GK: variants seen among roughly 807,000 people sequenced by gnomAD.
GK encodes the protein glycerol kinase.
In GK, 9 loss-of-function variants were observed where a neutral mutation model predicts 56.4. The observed-to-expected ratio is 0.16, with a 90% CI of 0.10 to 0.28. GK has a LOEUF of 0.28. GK is among the 10% of genes least tolerant of loss of function. The pLI is 1.00. For synonymous variants in GK, 104 were observed against 144.1 expected (o/e 0.72, Z 1.99); for missense variants, 161 against 431.4 (o/e 0.37, Z 5.55).
At chrX:30,664,702 C>CTTTTTTT (rs35313243) in intron 1 of GK, among the ~76,000 whole-genome samples, 5 of 57,675 alleles carry the variant, frequency 8.7e-5, no homozygotes, top group Non-Finnish European at 9.2e-5. Context: ...ACTCTATTGC[C>CTTTTTTT]TTTTTTTTTT....
rs764205493 is a variant in GK, at chrX:30,730,938, C to G, written c.*2196C>G. The G allele has an allele frequency of 3.0e-4, 34 of 111,896 alleles. No homozygotes were observed. The highest frequency in any genetic ancestry group is 5.4e-4 in the Non-Finnish European group (29 of 53,229). The allele number at this position is 111,896 out of a possible 1,213,427, so 9.2% of individuals were successfully genotyped here. A position where few individuals can be genotyped will look rare whatever the true frequency, so the allele number is the denominator to read the frequency against. On this transcript the variant is annotated 3_prime_UTR_variant, in exon 21 of 21. Transcript: ENST00000427190. ...ATTCTATTAGAAGAAACTACACTGT[C>G]CCATCTCAGCATTTGCAAAAAATAA...
intron 14 of GK, 124 bp from the exon 15 acceptor site, chrX:30,719,295 G>A: frequency 4.1e-6 from 2 of 485,048 alleles, no homozygotes; most frequent in Non-Finnish European, 7.4e-6. Flanking sequence ...GCAACATTTT[G>A]CTCTACCAAT....
chrX:30,664,098 A>ATTT (rs1932895695), intron 1 of GK, among the ~76,000 whole-genome samples: 1 of 36,124 alleles, frequency 2.8e-5, no homozygotes, highest in Non-Finnish European at 5.4e-5. Flanking sequence ...ATATCTATAT[A>ATTT]TATTTTATAG....
chrX:30,707,731 CAATACAA>C lies in GK; in HGVS notation c.894+137_894+143del, dbSNP rs775484610. ...CTTTATCAGGGTTTAATTTAGAGCT[CAATACAA>C]AATTTGAATCGTTCTAATAAGAACC... On this transcript the variant is annotated intron_variant, in intron 12 of 20. Transcript: ENST00000427190. 94 of 455,922 alleles carry C rather than the reference CAATACAA, an allele frequency of 2.1e-4. 1 individual carries two copies. The highest frequency in any genetic ancestry group is 2.0e-3 in the African/African-American group (82 of 40,611). The allele number at this position is 455,922 out of a possible 1,213,427, so 37.6% of individuals were successfully genotyped here.
intron 13 of GK, among the ~76,000 whole-genome samples, chrX:30,717,848 T>C (rs1330538580): frequency 2.7e-5 from 3 of 111,611 alleles, no homozygotes; most frequent in Non-Finnish European, 5.7e-5. Flanking sequence ...AGGTAAGTGT[T>C]GTCATAGTCA....
chrX:30,673,894 C>T (rs1243819302), intron 3 of GK, among the ~76,000 whole-genome samples: 1 of 111,211 alleles, frequency 9.0e-6, no homozygotes, highest in Non-Finnish European at 1.9e-5. Flanking sequence ...ACTATAAGTT[C>T]ATTGTGATCC....
chrX:30,684,762 A>G (rs749123451), intron 4 of GK, among the ~76,000 whole-genome samples: 2 of 110,589 alleles, frequency 1.8e-5, no homozygotes, highest in South Asian at 7.6e-4. Flanking sequence ...GATATTAAAG[A>G]AAACCACCCA....
Position 30,696,617 on chromosome X carries a change from AT to A in GK, c.669del (p.Phe223LeufsTer20). 8.4e-7 allele frequency: 1 copy of A among 1,186,486 alleles called. No individual in the cohort carries two copies. The highest frequency in any genetic ancestry group is 1.1e-6 in the Non-Finnish European group (1 of 874,039). On this transcript the variant is annotated frameshift_variant and splice_region_variant, in exon 8 of 21. Transcript: ENST00000427190. LOFTEE classifies it high-confidence loss of function. ...AATACCCAATCTTCTTGTTTTTCAG[AT>A]TTTTTGGAATTCCAATGGAAATTCT... Reference protein sequence around the residue: ...SLEWDKQLCEFFGIPMEILPN... With the variant: ...SLEWDKQLCEXFGIPMEILPN...
chrX:30,654,339 G>C (rs1380980829), intron 1 of GK, among the ~76,000 whole-genome samples: 1 of 112,712 alleles, frequency 8.9e-6, no homozygotes, highest in Non-Finnish European at 1.9e-5. Flanking sequence ...ATGTGTGACA[G>C]CACAGTTTTA....
chrX:30,712,869 T>TC (rs1936415909), intron 13 of GK, among the ~76,000 whole-genome samples: 1 of 108,395 alleles, frequency 9.2e-6, no homozygotes, highest in Non-Finnish European at 1.9e-5. Context: ...GGACTACAGA[T>TC]GCCCACCACC....
chrX:30,705,721 A>G (rs1212085536), intron 11 of GK, among the ~76,000 whole-genome samples: 4 of 112,931 alleles, frequency 3.5e-5, no homozygotes, highest in African/African-American at 1.3e-4. Flanking sequence ...GACTGGGAAG[A>G]AAGAACAATA....
rs192402882 is a variant in GK, at chrX:30,686,716, T to C, written c.338-4407T>C. Among the ~76,000 whole-genome samples, 237 of 111,905 alleles carry C rather than the reference T, an allele frequency of 2.1e-3. 2 individuals are homozygous for C. The highest frequency in any genetic ancestry group is 7.3e-3 in the African/African-American group (224 of 30,882). On this transcript the variant is annotated intron_variant, in intron 4 of 20. Coordinates refer to ENST00000427190, the MANE Select transcript of GK (RefSeq NM_001205019.2). The stretch of plus-strand genomic sequence containing the variant: ...AGGCAACTACATTTATCTTCACTCT[T>C]CAAACTTTTTTTTTCCAGAACAAAC...
chrX:30,711,347 T>C (rs1034457270), intron 13 of GK, among the ~76,000 whole-genome samples: 1 of 111,747 alleles, frequency 8.9e-6, no homozygotes, highest in African/African-American at 3.3e-5. Context: ...TAATCTGGTT[T>C]ATTGTCTGGG....
intron 3 of GK, among the ~76,000 whole-genome samples, chrX:30,675,852 C>A (rs1933860510): frequency 1.8e-5 from 2 of 110,481 alleles, no homozygotes; most frequent in East Asian, 5.7e-4. Flanking sequence ...GGCAATGGCG[C>A]AATCTCGGCT....
intron 1 of GK, among the ~76,000 whole-genome samples, chrX:30,664,123 T>G (rs1258769342): frequency 6.3e-5 from 3 of 47,281 alleles, no homozygotes; most frequent in African/African-American, 2.3e-4. Flanking sequence ...ATATTTTATA[T>G]AGATCTATAT....
chrX:30,685,180 A>G (rs1486970244), intron 4 of GK, among the ~76,000 whole-genome samples: 3 of 107,927 alleles, frequency 2.8e-5, no homozygotes, highest in African/African-American at 1.0e-4. Flanking sequence ...CGCCCAGGCT[A>G]GAGTGCAGTG....
chrX:30,692,485 A>AT (rs1177501148), intron 5 of GK, among the ~76,000 whole-genome samples: 34 of 104,527 alleles, frequency 3.3e-4, no homozygotes, highest in Admixed American at 2.3e-3. Flanking sequence ...ATCTCCTTCC[A>AT]TTTTTTTTTT....
intron 4 of GK, among the ~76,000 whole-genome samples, chrX:30,685,898 A>G (rs1350201866): frequency 1.8e-5 from 2 of 110,694 alleles, no homozygotes; most frequent in Non-Finnish European, 3.8e-5. Flanking sequence ...TAATCCATGT[A>G]GGATACTTAA....
At chrX:30,689,510 A>G (rs763651101) in intron 4 of GK, 1 of 331,548 alleles carries the variant, frequency 3.0e-6, no homozygotes, top group South Asian at 2.6e-5. Flanking sequence ...GTTTGATTCC[A>G]GACTCAGACA....
Sources: allele counts gnomAD v4.1 joint callset (sites outside exome capture counted in the v4.1 genomes callset), GRCh38; gene constraint gnomAD v4.1.1; transcripts MANE v1.5; gene names NCBI Gene and HGNC (gene_info 2026-07-23, HGNC 2026-07-21).